FANK1: variants seen among roughly 807,000 people sequenced by gnomAD.
The protein encoded by FANK1 is fibronectin type III and ankyrin repeat domains 1.
FANK1 carries 44 observed loss-of-function variants against 45.3 expected under a neutral mutation model. The observed-to-expected ratio is 0.97, with a 90% CI of 0.76 to 1.25. The LOEUF is 1.25. Ranked by LOEUF, FANK1 falls within the 50% of genes most tolerant of loss-of-function variation. The probability of loss-of-function intolerance (pLI) is 0.00; values close to 1 mark genes in which losing one functional copy is unlikely to be tolerated. For synonymous variants in FANK1, 149 were observed against 152.5 expected (o/e 0.98, Z 0.17); for missense variants, 391 against 424.4 (o/e 0.92, Z 0.69).
Position 126,008,413 on chromosome 10 carries a change from G to A in FANK1, c.712G>A (p.Val238Ile), listed in dbSNP as rs373547952. 8.3e-5 allele frequency: 133 copies of A among 1,603,268 alleles called. 1 individual carries two copies. The Middle Eastern group carries it at 1.8e-3, about 22-fold the overall frequency. Residue 238 changes from valine (V) to isoleucine (I), a missense_variant, in exon 8 of 11, where the codon GTC becomes ATC. Val to Ile is a conservative substitution (Grantham distance 29). Coordinates refer to ENST00000368693, the MANE Select transcript of FANK1 (RefSeq NM_145235.5). ...TGTTTCTCTGGCCCAACAGGTAGAC[G>A]TCGTGGACACTGGTTCAGGATGGAC... ...WMIKDGCEVD[V>I]VDTGSGWTPL...
chr10:125,974,706 A>T (rs1950745653), intron 1 of FANK1, among the ~76,000 whole-genome samples: 1 of 152,226 alleles, frequency 6.6e-6, no homozygotes, highest in African/African-American at 2.4e-5. Context: ...TCATTTTTCA[A>T]AGGGTGTATA....
intron 1 of FANK1, among the ~76,000 whole-genome samples, chr10:125,974,022 A>AT (rs1950692268): frequency 1.3e-5 from 2 of 152,174 alleles, no homozygotes; most frequent in Admixed American, 1.3e-4. Flanking sequence ...GTTGTATAGG[A>AT]TTTTACTGTA....
intron 1 of FANK1, among the ~76,000 whole-genome samples, chr10:125,932,859 A>G (rs1325448277): frequency 6.6e-6 from 1 of 152,130 alleles, no homozygotes. Flanking sequence ...GATGGCTTTT[A>G]TTACATGAGG....
At chr10:125,911,124 T>C (rs1213654312) in intron 1 of FANK1, among the ~76,000 whole-genome samples, 1 of 151,900 alleles carries the variant, frequency 6.6e-6, no homozygotes, top group Non-Finnish European at 1.5e-5. Context: ...GAGTAAGGAT[T>C]GTGAGATGGG....
intron 2 of FANK1, among the ~76,000 whole-genome samples, chr10:125,982,709 T>C (rs897973113): frequency 1.2e-4 from 19 of 152,192 alleles, no homozygotes; most frequent in African/African-American, 3.6e-4. Context: ...AACAATGATA[T>C]TGTCTTTGAC....
At chr10:125,963,023 C>T (rs553705282) in intron 1 of FANK1, among the ~76,000 whole-genome samples, 16 of 148,096 alleles carry the variant, frequency 1.1e-4, no homozygotes, top group East Asian at 6.1e-4. Flanking sequence ...CTCGCTCTGT[C>T]GCCCAGGCTG....
intron 1 of FANK1, among the ~76,000 whole-genome samples, chr10:125,920,364 G>C (rs200875751): frequency 6.6e-6 from 1 of 152,136 alleles, no homozygotes; most frequent in African/African-American, 2.4e-5. Flanking sequence ...TTTGGATTAA[G>C]TCTTTCATAA....
chr10:125,923,394 G>C (rs1251986055), intron 1 of FANK1, among the ~76,000 whole-genome samples: 2 of 151,680 alleles, frequency 1.3e-5, no homozygotes, highest in East Asian at 3.9e-4. Flanking sequence ...CAGGAAGGTC[G>C]AGACTGCAGT....
At chr10:126,003,625 T>C (rs1430824956) in intron 6 of FANK1, among the ~76,000 whole-genome samples, 1 of 152,196 alleles carries the variant, frequency 6.6e-6, no homozygotes, top group Non-Finnish European at 1.5e-5. Flanking sequence ...ATTTCTGGGA[T>C]AATTCATTGC....
intron 1 of FANK1, among the ~76,000 whole-genome samples, chr10:125,913,553 G>A (rs1415603614): frequency 6.6e-6 from 1 of 152,178 alleles, no homozygotes; most frequent in Non-Finnish European, 1.5e-5. Context: ...TCTCTGATAA[G>A]TCATTGCCAC....
chr10:125,957,893 T>C (rs1949682194), intron 1 of FANK1, among the ~76,000 whole-genome samples: 1 of 152,172 alleles, frequency 6.6e-6, no homozygotes, highest in Non-Finnish European at 1.5e-5. Flanking sequence ...TCCTTCTGAG[T>C]ACTTTTTTTT....
At chr10:125,989,791 A>T (rs1951803386) in intron 3 of FANK1, among the ~76,000 whole-genome samples, 1 of 152,232 alleles carries the variant, frequency 6.6e-6, no homozygotes, top group Non-Finnish European at 1.5e-5. Context: ...AGACAGCAGA[A>T]CATGAGCTCT....
intron 2 of FANK1, among the ~76,000 whole-genome samples, chr10:125,986,182 A>G (rs1951547101): frequency 6.6e-6 from 1 of 152,188 alleles, no homozygotes; most frequent in Admixed American, 6.5e-5. Context: ...TCTGGCAAAG[A>G]TGATGTCAGT....
chr10:125,919,019 A>G (rs1946720928), intron 1 of FANK1, among the ~76,000 whole-genome samples: 1 of 152,036 alleles, frequency 6.6e-6, no homozygotes, highest in African/African-American at 2.4e-5. Flanking sequence ...AAGATGAAAT[A>G]GAAGTCATGA....
rs554987624 is a variant in FANK1, at chr10:125,911,156, G to T, written c.13+14501G>T. Among the ~76,000 whole-genome samples, 58 of 152,292 alleles carry T rather than the reference G, an allele frequency of 3.8e-4. No individual in the cohort carries two copies. In the East Asian group the frequency reaches 7.1e-3, roughly 19 times the overall value. On this transcript the variant is annotated intron_variant, in intron 1 of 10. Coordinates refer to ENST00000368693, the MANE Select transcript of FANK1 (RefSeq NM_145235.5). ...TGGGCAGAGGAGCGTGTATCATCCA[G>T]GTGGGCACGATGGAATCAATCACAA...
intron 1 of FANK1, among the ~76,000 whole-genome samples, chr10:125,946,698 A>G (rs979257647): frequency 2.0e-5 from 3 of 147,790 alleles, no homozygotes; most frequent in African/African-American, 5.0e-5. Context: ...GATATTATCC[A>G]GGAGAACTTC....
intron 1 of FANK1, chr10:125,972,832 A>C (rs1950602471): frequency 1.3e-5 from 2 of 152,120 alleles, no homozygotes; most frequent in South Asian, 4.1e-4. Flanking sequence ...GGCTTCACTC[A>C]CACCTAAGGC....
intron 1 of FANK1, among the ~76,000 whole-genome samples, chr10:125,897,230 A>G (rs1944618240): frequency 1.3e-5 from 2 of 152,048 alleles, no homozygotes; most frequent in African/African-American, 2.4e-5. Flanking sequence ...AGGACACTCA[A>G]AAAATGTTTG....
chr10:125,900,980 G>A (rs1222149842), intron 1 of FANK1, among the ~76,000 whole-genome samples: 2 of 151,478 alleles, frequency 1.3e-5, no homozygotes, highest in Non-Finnish European at 2.9e-5. Context: ...TTTTGTAGTT[G>A]TTGTTTTTAG....
Sources: gnomAD v4.1 joint callset for allele counts (sites outside exome capture counted in the v4.1 genomes callset) on GRCh38, gnomAD v4.1.1 for gene constraint, MANE v1.5 for transcripts, NCBI Gene and HGNC (gene_info 2026-07-23, HGNC 2026-07-21) for gene names.